RUNX1: variants seen among roughly 807,000 people sequenced by gnomAD.
RUNX1 encodes RUNX family transcription factor 1.
Under a neutral mutation model 42.8 loss-of-function variants are expected in RUNX1, and 19 were observed. The ratio of observed to expected loss-of-function variants is 0.44; its 90% CI spans 0.31 to 0.65. The LOEUF is 0.65. RUNX1 is among the 30% of genes least tolerant of loss of function. The pLI, the probability that RUNX1 is intolerant of heterozygous loss-of-function variation, is 0.07. For missense variants in RUNX1, 528 were observed against 672.0 expected, an observed-to-expected ratio of 0.79 and a Z score of 2.37; for synonymous variants, 271 against 289.4, an observed-to-expected ratio of 0.94 and a Z score of 0.64.
At chr21:35,002,407 TTTATTTATTTATTTATTTA>T (rs1423922730) in intron 2 of RUNX1, among the ~76,000 whole-genome samples, 1 of 148,962 alleles carries the variant, frequency 6.7e-6, no homozygotes, top group South Asian at 2.1e-4. Context: ...TATTTATTTA[TTTATTTATTTATTTATTTA>T]TTATTTATTT....
At chr21:34,993,482 T>G (rs2146839131) in intron 2 of RUNX1, among the ~76,000 whole-genome samples, 1 of 150,728 alleles carries the variant, frequency 6.6e-6, no homozygotes. Flanking sequence ...GAGGACAATG[T>G]CTGTTTGTTT....
chr21:34,961,071 C>A (rs2006089), intron 2 of RUNX1, among the ~76,000 whole-genome samples: 7 of 151,986 alleles, frequency 4.6e-5, no homozygotes, highest in African/African-American at 1.7e-4. Context: ...ACCAAATAAA[C>A]TTTAAGAAAC....
intron 2 of RUNX1, among the ~76,000 whole-genome samples, chr21:34,932,944 A>C (rs376945050): frequency 6.6e-6 from 1 of 152,166 alleles, no homozygotes; most frequent in African/African-American, 2.4e-5. Flanking sequence ...TTCTTATTGC[A>C]TGTGCATCCT....
At chr21:34,850,235 G>A (rs1005761703) in intron 6 of RUNX1, among the ~76,000 whole-genome samples, 32 of 152,174 alleles carry the variant, frequency 2.1e-4, no homozygotes, top group Admixed American at 1.2e-3. Flanking sequence ...CATGGGAGAC[G>A]TGCACCCAAT....
intron 7 of RUNX1, among the ~76,000 whole-genome samples, chr21:34,816,695 G>C (rs2056831859): frequency 6.6e-6 from 1 of 152,102 alleles, no homozygotes; most frequent in African/African-American, 2.4e-5. Flanking sequence ...GGATGTGGTG[G>C]GGAGGAGAGG....
chr21:34,794,243 A>G (rs1046567644), intron 8 of RUNX1, among the ~76,000 whole-genome samples: 1 of 152,162 alleles, frequency 6.6e-6, no homozygotes, highest in Non-Finnish European at 1.5e-5. Flanking sequence ...AGGTTGAATG[A>G]TAGAAAATTG....
chr21:34,870,290 A>G (rs559622321), intron 5 of RUNX1, among the ~76,000 whole-genome samples: 16 of 152,294 alleles, frequency 1.1e-4, no homozygotes, highest in African/African-American at 3.8e-4. Flanking sequence ...CTCCTAACCT[A>G]TGTCTTGTCT....
At position 34,792,074 on chromosome 21, in the gene RUNX1, C is replaced by A. The variant is rs1449554447; in HGVS notation, c.*61G>T. ...CGGCGGGCTTGTCGCGAACAGGAGGCCCGCGCGCCCGGAGGCGAAGGCGGC... is the reference window on the plus strand; with the variant it reads ...CGGCGGGCTTGTCGCGAACAGGAGGACCGCGCGCCCGGAGGCGAAGGCGGC... On this transcript the variant is annotated 3_prime_UTR_variant, in exon 9 of 9. Coordinates refer to ENST00000675419, the MANE Select transcript of RUNX1 (RefSeq NM_001754.5). The surrounding 1 kb of genome is among the most constrained non-coding windows in gnomAD (Gnocchi z 6.9). The A allele has an allele frequency of 1.9e-6, 2 of 1,073,682 alleles. No homozygotes were observed. Among genetic ancestry groups the A allele is most frequent in the South Asian group, 2.2e-5 (1 of 45,516 alleles). The allele number at this position is 1,073,682 out of a possible 1,614,324, so 66.5% of individuals were successfully genotyped here.
intron 7 of RUNX1, among the ~76,000 whole-genome samples, chr21:34,831,036 C>T (rs1269007607): frequency 1.3e-5 from 2 of 152,092 alleles, no homozygotes; most frequent in Non-Finnish European, 2.9e-5. Context: ...TTGCCCAAAC[C>T]CATCTCTAGG....
intron 2 of RUNX1, among the ~76,000 whole-genome samples, chr21:34,997,118 A>G (rs1379366287): frequency 6.6e-6 from 1 of 152,256 alleles, no homozygotes; most frequent in Admixed American, 6.5e-5. Flanking sequence ...GCCACTTTCT[A>G]TCATTATGTG....
At chr21:34,924,092 C>G (rs116213488) in intron 2 of RUNX1, among the ~76,000 whole-genome samples, 116,344 of 151,712 alleles carry the variant, frequency 0.77, 46,751 homozygotes, top group South Asian at 0.93. Flanking sequence ...AGTGACCCAC[C>G]CCCCGCCATG....
rs900323471 is a variant in RUNX1, at chr21:34,843,676, C to A, written c.614-9075G>T. Among the ~76,000 whole-genome samples the A allele has an allele frequency of 1.2e-4, 18 of 152,208 alleles. No homozygotes were observed. The highest frequency in any genetic ancestry group is 4.3e-4 in the African/African-American group (18 of 41,532). On this transcript the variant is annotated intron_variant, in intron 6 of 8. Coordinates refer to ENST00000675419, the MANE Select transcript of RUNX1 (RefSeq NM_001754.5). The surrounding 1 kb of genome is among the most constrained non-coding windows in gnomAD (Gnocchi z 4.8). ...GAGACGCACACAGGCCTGCCCCTCCCCAGCCCCCCTGCACCATGCGCCCAA... is the reference window on the plus strand; with the variant it reads ...GAGACGCACACAGGCCTGCCCCTCCACAGCCCCCCTGCACCATGCGCCCAA...
At chr21:34,849,353 TATATA>T (rs1361592372) in intron 6 of RUNX1, among the ~76,000 whole-genome samples, 22 of 33,588 alleles carry the variant, frequency 6.5e-4, no homozygotes, top group East Asian at 3.4e-3. Flanking sequence ...ATATATAGTA[TATATA>T]ATATATTATA....
intron 2 of RUNX1, among the ~76,000 whole-genome samples, chr21:34,893,783 TAAAAAAAAACC>T (rs2058106336): frequency 6.7e-6 from 1 of 149,008 alleles, no homozygotes. Flanking sequence ...TTTTTTTTTT[TAAAAAAAAACC>T]TTTAAAATAA....
intron 2 of RUNX1, among the ~76,000 whole-genome samples, chr21:34,912,463 C>T (rs980824923): frequency 6.6e-6 from 1 of 151,998 alleles, no homozygotes; most frequent in African/African-American, 2.4e-5. Flanking sequence ...CCACAACTGG[C>T]CAGTAGGTCG....
At chr21:34,862,371 C>G (rs1377071853) in intron 5 of RUNX1, among the ~76,000 whole-genome samples, 1 of 152,198 alleles carries the variant, frequency 6.6e-6, no homozygotes, top group African/African-American at 2.4e-5. Flanking sequence ...ACAACTCTAG[C>G]ACCTCAGTGA....
chr21:34,958,028 C>G (rs932670243), intron 2 of RUNX1, among the ~76,000 whole-genome samples: 1 of 152,136 alleles, frequency 6.6e-6, no homozygotes, highest in African/African-American at 2.4e-5. Flanking sequence ...AATAATAACT[C>G]CTTCTAGTTC....
intron 2 of RUNX1, among the ~76,000 whole-genome samples, chr21:35,036,375 G>A (rs1358114392): frequency 2.0e-5 from 3 of 152,138 alleles, no homozygotes; most frequent in African/African-American, 7.2e-5. Context: ...AGGCTGGCCA[G>A]CCCCCTGCAT....
intron 2 of RUNX1, among the ~76,000 whole-genome samples, chr21:34,903,594 C>A (rs1056344547): frequency 6.6e-6 from 1 of 152,172 alleles, no homozygotes; most frequent in African/African-American, 2.4e-5. Flanking sequence ...AGACCTTGAT[C>A]TCAGTCTTGC....
Sources: allele counts gnomAD v4.1 joint callset (sites outside exome capture counted in the v4.1 genomes callset), GRCh38; gene constraint gnomAD v4.1.1; non-coding constraint Gnocchi (gnomAD v3.1); transcripts MANE v1.5; gene names NCBI Gene and HGNC (gene_info 2026-07-23, HGNC 2026-07-21).